Variants in SOBP observed in about 807,000 individuals in gnomAD.
The protein encoded by SOBP is sine oculis-binding protein homolog.
SOBP carries 4 observed loss-of-function variants against 53.6 expected under a neutral mutation model. That is an observed-to-expected ratio of 0.07 (90% CI 0.04 to 0.17). The LOEUF (loss-of-function observed/expected upper bound fraction) is 0.17. SOBP is among the 10% of genes least tolerant of loss of function. The pLI is 1.00. For synonymous variants in SOBP, 584 were observed against 522.6 expected (o/e 1.12, Z -1.60); for missense variants, 1,088 against 1,204.7 (o/e 0.90, Z 1.43).
chr6:107,531,883 C>G (rs1783832984), intron 3 of SOBP, among the ~76,000 whole-genome samples: 1 of 152,008 alleles, frequency 6.6e-6, no homozygotes, highest in East Asian at 1.9e-4. Flanking sequence ...AAATAAAATG[C>G]TGCATATAGT....
chr6:107,651,482 A>C (rs1771800419), intron 6 of SOBP, among the ~76,000 whole-genome samples: 1 of 152,210 alleles, frequency 6.6e-6, no homozygotes, highest in Non-Finnish European at 1.5e-5. Flanking sequence ...AAAGATTTTG[A>C]AGCTAGCAGA....
At chr6:107,630,372 A>C (rs1274598161) in intron 5 of SOBP, among the ~76,000 whole-genome samples, 1 of 152,216 alleles carries the variant, frequency 6.6e-6, no homozygotes, top group African/African-American at 2.4e-5. Flanking sequence ...GTTTTCCTGG[A>C]TATGCAAATG....
At chr6:107,619,653 T>A (rs919744671) in intron 5 of SOBP, among the ~76,000 whole-genome samples, 1 of 151,518 alleles carries the variant, frequency 6.6e-6, no homozygotes, top group Admixed American at 6.6e-5. Context: ...CCTGAGAGAG[T>A]ATTCATATTT....
intron 3 of SOBP, chr6:107,529,342 C>A: frequency 2.0e-6 from 1 of 497,010 alleles, no homozygotes; most frequent in Non-Finnish European, 2.6e-6. Context: ...CGGCCATGGG[C>A]CATTTCATGT....
At chr6:107,561,060 G>A (rs1318021003) in intron 4 of SOBP, among the ~76,000 whole-genome samples, 1 of 152,176 alleles carries the variant, frequency 6.6e-6, no homozygotes, top group Non-Finnish European at 1.5e-5. Flanking sequence ...AGGGAGAGAT[G>A]CCAATTAAAT....
chr6:107,572,741 G>A (rs983660245), intron 4 of SOBP, among the ~76,000 whole-genome samples: 4 of 152,016 alleles, frequency 2.6e-5, no homozygotes, highest in Non-Finnish European at 5.9e-5. Context: ...GTGTGCCCAA[G>A]CTCTGCTGAG....
chr6:107,600,401 A>G (rs1356641497), intron 5 of SOBP, among the ~76,000 whole-genome samples: 1 of 152,194 alleles, frequency 6.6e-6, no homozygotes, highest in Admixed American at 6.5e-5. Flanking sequence ...ACTGGTTCTC[A>G]CTTCATTCGA....
Position 107,660,880 on chromosome 6 carries a change from G to A in SOBP, c.*2677G>A, listed in dbSNP as rs1432434679. On this transcript the variant is annotated 3_prime_UTR_variant, in exon 7 of 7. Coordinates refer to ENST00000317357, the MANE Select transcript of SOBP (RefSeq NM_018013.4). ...GCTCCCTTGAAGTGATCATCCTGTG[G>A]ATTCCGGAGACCTGATTTTCTTCTC... Among the ~76,000 whole-genome samples, 1 of 152,180 alleles carries A rather than the reference G, an allele frequency of 6.6e-6. No homozygotes were observed. The highest frequency in any genetic ancestry group is 2.4e-5 in the African/African-American group (1 of 41,438).
intron 5 of SOBP, among the ~76,000 whole-genome samples, chr6:107,614,507 CGA>C (rs1397051724): frequency 6.6e-6 from 1 of 152,178 alleles, no homozygotes; most frequent in Non-Finnish European, 1.5e-5. Context: ...TAAGTAGCTT[CGA>C]GAGAGAGGGG....
intron 3 of SOBP, among the ~76,000 whole-genome samples, chr6:107,522,301 G>A (rs1024789774): frequency 5.9e-5 from 9 of 152,060 alleles, no homozygotes; most frequent in African/African-American, 2.2e-4. Flanking sequence ...GAGCAGGTGA[G>A]AGCAGTGGTC....
intron 6 of SOBP, among the ~76,000 whole-genome samples, chr6:107,655,234 C>A (rs1771981112): frequency 6.6e-6 from 1 of 152,056 alleles, no homozygotes. Flanking sequence ...TTATTTCCTC[C>A]CCACTCTGTT....
intron 3 of SOBP, among the ~76,000 whole-genome samples, chr6:107,516,332 C>T (rs1001935080): frequency 2.2e-4 from 34 of 151,938 alleles, no homozygotes; most frequent in African/African-American, 7.0e-4. Flanking sequence ...TGTGGTGATG[C>T]GCTCCTATAA....
At chr6:107,544,832 TTC>T (rs1424667142) in intron 4 of SOBP, among the ~76,000 whole-genome samples, 1 of 144,906 alleles carries the variant, frequency 6.9e-6, no homozygotes, top group African/African-American at 2.6e-5. Context: ...CATTCATTCA[TTC>T]TACCAATCCT....
intron 5 of SOBP, among the ~76,000 whole-genome samples, chr6:107,603,765 C>CTAGACT: frequency 6.6e-6 from 1 of 152,278 alleles, no homozygotes; most frequent in South Asian, 2.1e-4. Flanking sequence ...GAAAGCAGGG[C>CTAGACT]TAGACTCAGA....
At position 107,660,480 on chromosome 6, in the gene SOBP, CT is replaced by C. The variant is rs1203167056; in HGVS notation, c.*2283del. On this transcript the variant is annotated 3_prime_UTR_variant, in exon 7 of 7. Coordinates refer to ENST00000317357, the MANE Select transcript of SOBP (RefSeq NM_018013.4). The stretch of plus-strand genomic sequence containing the variant: ...TTCCAAGTGCTCTTCAAGTCCTGAT[CT>C]TTTTTGGCTCCAAGGGTTCAGGCCT... 2.6e-5 allele frequency among the ~76,000 whole-genome samples: 4 copies of C among 152,290 alleles called. No individual in the cohort carries two copies. Among genetic ancestry groups the C allele is most frequent in the South Asian group, 2.1e-4 (1 of 4,822 alleles).
At chr6:107,550,809 C>T (rs1373150995) in intron 4 of SOBP, among the ~76,000 whole-genome samples, 1 of 152,220 alleles carries the variant, frequency 6.6e-6, no homozygotes, top group Non-Finnish European at 1.5e-5. Context: ...ATAACCCTTA[C>T]TGTCATTCCC....
intron 5 of SOBP, among the ~76,000 whole-genome samples, chr6:107,625,474 A>G (rs1462725997): frequency 1.3e-5 from 2 of 152,218 alleles, no homozygotes; most frequent in Non-Finnish European, 2.9e-5. Flanking sequence ...TGTCACTAGG[A>G]GCAGCTGCAG....
intron 5 of SOBP, among the ~76,000 whole-genome samples, chr6:107,604,909 A>G (rs1046684826): frequency 6.6e-6 from 1 of 152,260 alleles, no homozygotes; most frequent in African/African-American, 2.4e-5. Context: ...TTTATGTCAC[A>G]GCACTGTGAA....
chr6:107,596,405 G>A (rs568882337), intron 5 of SOBP, among the ~76,000 whole-genome samples: 1 of 152,096 alleles, frequency 6.6e-6, no homozygotes, highest in Admixed American at 6.5e-5. Context: ...TATCTCCCTG[G>A]TTCTAGTTCA....
Sources: allele counts gnomAD v4.1 joint callset (sites outside exome capture counted in the v4.1 genomes callset), GRCh38; gene constraint gnomAD v4.1.1; transcripts MANE v1.5; gene names NCBI Gene and HGNC (gene_info 2026-07-23, HGNC 2026-07-21).